The following CSAD variants were observed in gnomAD, a reference collection of about 807,000 sequenced individuals.
CSAD encodes the protein cysteine sulfinic acid decarboxylase, also known as P-selectin cytoplasmic tail-associated protein.
Under a neutral mutation model 61.5 loss-of-function variants are expected in CSAD, and 47 were observed. The observed-to-expected ratio is 0.76, with a 90% CI of 0.60 to 0.97. The LOEUF is 0.97. CSAD is among the 50% of genes least tolerant of loss of function. CSAD has a pLI of 0.00. For missense variants in CSAD, 611 were observed against 643.6 expected (o/e 0.95, Z 0.55); for synonymous variants, 245 against 252.7 (o/e 0.97, Z 0.29).
At position 53,172,700 on chromosome 12, in the gene CSAD, G is replaced by C. The variant is rs775935903; in HGVS notation, c.127-52C>G. 5 of 1,559,720 alleles carry C rather than the reference G, an allele frequency of 3.2e-6. No homozygotes were observed. The East Asian group carries it at 9.1e-5, about 28-fold the overall frequency. Reference sequence around the variant, plus strand: ...GGCCTGGGATGCCTGTGGACTGGCTGTCAAACCACACCTCCACAGACACGA... The same window carrying C: ...GGCCTGGGATGCCTGTGGACTGGCTCTCAAACCACACCTCCACAGACACGA... On this transcript the variant is annotated intron_variant, in intron 4 of 16. Transcript: ENST00000444623.
intron 10 of CSAD, among the ~76,000 whole-genome samples, chr12:53,168,265 G>A (rs1358685304): frequency 1.3e-5 from 2 of 152,166 alleles, no homozygotes; most frequent in Admixed American, 1.3e-4. Flanking sequence ...TCTTTAGGGG[G>A]TGATAAAAAT....
chr12:53,164,200 A>C (rs1192061190), intron 10 of CSAD, among the ~76,000 whole-genome samples: 1 of 152,236 alleles, frequency 6.6e-6, no homozygotes, highest in Non-Finnish European at 1.5e-5. Context: ...ATTAGGTTAA[A>C]TATAACACCA....
At chr12:53,176,850 A>C (rs1250140739) in intron 2 of CSAD, among the ~76,000 whole-genome samples, 1 of 152,104 alleles carries the variant, frequency 6.6e-6, no homozygotes, top group Non-Finnish European at 1.5e-5. Context: ...CTCCCACCTC[A>C]GCCTCCTGAG....
At chr12:53,160,074 C>A in intron 14 of CSAD, 46 bp downstream of exon 14, 1 of 1,608,588 alleles carries the variant, frequency 6.2e-7, no homozygotes, top group Non-Finnish European at 8.5e-7. Flanking sequence ...GGGGCATGGA[C>A]CCAGGAGAGG....
At chr12:53,180,509 C>T in intron 1 of CSAD, 32 of 1,262,690 alleles carry the variant, frequency 2.5e-5, no homozygotes, top group Middle Eastern at 2.5e-4. Context: ...CCACGGCGCA[C>T]GCGCCGGCCT....
chr12:53,172,410 A>G lies in CSAD; in HGVS notation c.280T>C (p.Phe94Leu). ...TGHPRFFNQL[F>L]SGLDPHALAG... ...AGAGCATGGGGATCCAACCCAGAGAAGAGCTGGTTGAAGAACCGAGGGTGA... is the reference window on the plus strand; with the variant it reads ...AGAGCATGGGGATCCAACCCAGAGAGGAGCTGGTTGAAGAACCGAGGGTGA... Residue 94 changes from phenylalanine to leucine, a missense_variant, in exon 6 of 17, where the codon TTC becomes CTC. Coordinates refer to ENST00000444623, the MANE Select transcript of CSAD (RefSeq NM_001244705.2). 1 of 1,613,244 alleles carries G rather than the reference A, an allele frequency of 6.2e-7. No homozygotes were observed. The highest frequency in any genetic ancestry group is 1.1e-5 in the South Asian group (1 of 91,066).
At chr12:53,180,575 A>T (rs1335739065) in intron 1 of CSAD, 157 bp downstream of exon 1, 2 of 1,283,742 alleles carry the variant, frequency 1.6e-6, no homozygotes, top group Non-Finnish European at 2.0e-6. Flanking sequence ...ACCCAGCTGC[A>T]CCTCTCCGTG....
chr12:53,176,037 CATT>C (rs1414175595), intron 2 of CSAD, among the ~76,000 whole-genome samples: 1 of 151,832 alleles, frequency 6.6e-6, no homozygotes, highest in Non-Finnish European at 1.5e-5. Flanking sequence ...TATTTCTCAT[CATT>C]GACAAAAATT....
intron 10 of CSAD, among the ~76,000 whole-genome samples, chr12:53,162,657 T>G (rs1294796881): frequency 1.3e-5 from 2 of 151,880 alleles, no homozygotes; most frequent in Non-Finnish European, 2.9e-5. Flanking sequence ...ATGTGGTAGC[T>G]CATGCCTGTA....
In CSAD at chr12:53,171,327, T is replaced by C. The variant is rs753654469; in HGVS notation, c.566A>G (p.Glu189Gly). The part of the protein sequence containing the change: ...LPPLALFTSK[E>G]CHYSIQKGAA... ...GTTGGGCCTGTGCCTCTTCCCCACC[T>C]CCTTCGATGTGAATAGGGCCAGGGG... Residue 189 changes from glutamate to glycine, a missense_variant and splice_region_variant, in exon 8 of 17, where the codon GAG (glutamate) becomes GGG (glycine). Glu to Gly is a moderately conservative substitution (Grantham distance 98). Coordinates refer to ENST00000444623, the MANE Select transcript of CSAD (RefSeq NM_001244705.2). 3 of 1,614,016 alleles carry C rather than the reference T, an allele frequency of 1.9e-6. No homozygotes were observed. The highest frequency in any genetic ancestry group is 2.5e-6 in the Non-Finnish European group (3 of 1,180,022).
At chr12:53,160,647 CT>C in intron 13 of CSAD, 115 bp downstream of exon 13, 1 of 924,564 alleles carries the variant, frequency 1.1e-6, no homozygotes, top group Non-Finnish European at 1.7e-6. Context: ...TGAGATGCAG[CT>C]TCAGAAGGGA....
intron 1 of CSAD, chr12:53,180,446 G>A (rs752404553): frequency 2.5e-6 from 3 of 1,180,186 alleles, no homozygotes; most frequent in East Asian, 7.5e-5. Context: ...TACAATCATC[G>A]AAGGGCCGAG....
intron 13 of CSAD, 42 bp from the exon 14 acceptor site, chr12:53,160,361 C>T (rs776852330): frequency 6.3e-7 from 1 of 1,588,826 alleles, no homozygotes; most frequent in Admixed American, 1.7e-5. Flanking sequence ...ACCCTCTCCA[C>T]CGAGGCTTTC....
intron 15 of CSAD, 61 bp from the exon 16 acceptor site, chr12:53,159,773 C>T (rs1939036728): frequency 6.5e-7 from 1 of 1,530,210 alleles, no homozygotes; most frequent in Non-Finnish European, 8.9e-7. Context: ...TTCCCTCTCC[C>T]TGCCCCTTTC....
chr12:53,163,876 T>C (rs1939587398), intron 10 of CSAD, among the ~76,000 whole-genome samples: 1 of 152,188 alleles, frequency 6.6e-6, no homozygotes, highest in Non-Finnish European at 1.5e-5. Context: ...AAGCTACAGC[T>C]GAATCAAGAC....
chr12:53,171,989 C>T lies in CSAD; in HGVS notation c.345-1G>A, dbSNP rs756110409. Reference sequence around the variant, plus strand: ...CACGGGGGCGATTTCATATGTGTACCTGCCAGGAGAGAGAACGACGAGAAA... The same window carrying T: ...CACGGGGGCGATTTCATATGTGTACTTGCCAGGAGAGAGAACGACGAGAAA... On this transcript the variant is annotated splice_acceptor_variant, in intron 6 of 16. Coordinates refer to ENST00000444623, the MANE Select transcript of CSAD (RefSeq NM_001244705.2). LOFTEE classifies it high-confidence loss of function. 6.2e-7 allele frequency: 1 copy of T among 1,610,942 alleles called. No homozygotes were observed.
chr12:53,170,067 C>T lies in CSAD; in HGVS notation c.702+5G>A. ...ATATCACCCCAGCGAGCCTCACTGA[C>T]TCACCTCAGCCTCGGCCATACCAAT... is the stretch of plus-strand genomic sequence containing the variant. On this transcript the variant is annotated splice_donor_5th_base_variant and intron_variant, in intron 10 of 16. Coordinates refer to ENST00000444623, the MANE Select transcript of CSAD (RefSeq NM_001244705.2). 6.2e-7 allele frequency: 1 copy of T among 1,613,886 alleles called. No individual in the cohort carries two copies. Among genetic ancestry groups the T allele is most frequent in the East Asian group, 2.2e-5 (1 of 44,882 alleles).
intron 10 of CSAD, among the ~76,000 whole-genome samples, chr12:53,165,202 G>A (rs115224582): frequency 6.6e-6 from 1 of 152,038 alleles, no homozygotes; most frequent in Non-Finnish European, 1.5e-5. Flanking sequence ...TTGGCCAAGT[G>A]TGGCAGCCTG....
intron 6 of CSAD, 45 bp from the exon 7 acceptor site, chr12:53,172,033 T>G (rs1940646167): frequency 7.0e-7 from 1 of 1,426,224 alleles, no homozygotes; most frequent in South Asian, 1.2e-5. Context: ...GGGGAGGGAC[T>G]GCCCAGACAG....
Sources: allele counts gnomAD v4.1 joint callset (sites outside exome capture counted in the v4.1 genomes callset), GRCh38; gene constraint gnomAD v4.1.1; transcripts MANE v1.5; gene names NCBI Gene and HGNC (gene_info 2026-07-23, HGNC 2026-07-21).